Variants in DACT1 observed in about 807,000 individuals in gnomAD.
DACT1 encodes dishevelled binding antagonist of beta catenin 1.
In DACT1, 19 loss-of-function variants were observed where a neutral mutation model predicts 35.3. The ratio of observed to expected loss-of-function variants is 0.54; its 90% CI spans 0.38 to 0.79. The LOEUF is 0.79. Among genes scored for constraint, DACT1 ranks in the 30% least tolerant of loss-of-function variants. The pLI, the probability that DACT1 is intolerant of heterozygous loss-of-function variation, is 0.00. For synonymous variants in DACT1, 545 were observed against 466.7 expected, an observed-to-expected ratio of 1.17 and a Z score of -2.16; for missense variants, 1,143 against 1,057.5, an observed-to-expected ratio of 1.08 and a Z score of -1.12.
intron 1 of DACT1, among the ~76,000 whole-genome samples, chr14:58,639,518 T>C (rs1336526628): frequency 6.6e-6 from 1 of 152,204 alleles, no homozygotes; most frequent in Non-Finnish European, 1.5e-5. Context: ...AATAAAGTGG[T>C]GATGCTGTGC....
In DACT1 at chr14:58,646,640, C is replaced by T; in HGVS notation, c.1906C>T (p.Arg636Ter). Residue 636 changes from arginine to a stop codon, truncating the protein, a stop_gained, in exon 4 of 4, where the codon CGA (arginine) becomes TGA (stop). Transcript: ENST00000395153. LOFTEE classifies it high-confidence loss of function. ...EAVVAKPKHK[R>*]TDYRRWKSSA... ...GGTGGTGGCCAAACCTAAGCACAAG[C>T]GAACTGACTACCGGCGGTGGAAGTC... The T allele has an allele frequency of 1.2e-6, 2 of 1,611,836 alleles. No homozygotes were observed. The highest frequency in any genetic ancestry group is 8.5e-7 in the Non-Finnish European group (1 of 1,179,352).
chr14:58,646,044 C>G lies in DACT1; in HGVS notation c.1310C>G (p.Ser437Cys). ...TGTTCCGCCATTGGGACAGGGGAGT[C>G]CCCTAAGGAAAGCGCTCAGCTCTCA... is the stretch of plus-strand genomic sequence containing the variant. ...ARCSAIGTGE[S>C]PKESAQLSGA... Residue 437 changes from serine (S) to cysteine (C), a missense_variant, in exon 4 of 4, where the codon TCC (serine) becomes TGC (cysteine). Coordinates refer to ENST00000395153, the MANE Select transcript of DACT1 (RefSeq NM_001079520.2). 3 of 1,614,064 alleles carry G rather than the reference C, an allele frequency of 1.9e-6. No homozygotes were observed. Among genetic ancestry groups the G allele is most frequent in the Non-Finnish European group, 2.5e-6 (3 of 1,179,990 alleles).
chr14:58,644,138 T>G (rs958927782), intron 3 of DACT1, among the ~76,000 whole-genome samples: 1 of 152,196 alleles, frequency 6.6e-6, no homozygotes, highest in African/African-American at 2.4e-5. Flanking sequence ...GGATTTGTTA[T>G]TTATAATATT....
intron 3 of DACT1, among the ~76,000 whole-genome samples, chr14:58,643,397 T>C (rs978619606): frequency 2.6e-5 from 4 of 152,214 alleles, no homozygotes; most frequent in Admixed American, 2.0e-4. Context: ...TGTTCTCCAC[T>C]TGGGTATAAG....
intron 3 of DACT1, among the ~76,000 whole-genome samples, chr14:58,644,139 T>G (rs2082693224): frequency 6.6e-6 from 1 of 152,184 alleles, no homozygotes; most frequent in Non-Finnish European, 1.5e-5. Flanking sequence ...GATTTGTTAT[T>G]TATAATATTC....
chr14:58,638,808 T>G, intron 1 of DACT1: 1 of 1,167,902 alleles, frequency 8.6e-7, no homozygotes, highest in Non-Finnish European at 1.1e-6. Flanking sequence ...TGGCCGCTCT[T>G]CCCTCCTCCT....
chr14:58,642,046 T>C (rs1365436524), intron 3 of DACT1, among the ~76,000 whole-genome samples: 1 of 152,224 alleles, frequency 6.6e-6, no homozygotes, highest in Non-Finnish European at 1.5e-5. Context: ...TGCTGTTAGG[T>C]TGTCTGTATT....
In DACT1 at chr14:58,638,117, C is replaced by T; in HGVS notation, c.-86C>T. The T allele has an allele frequency of 5.0e-6, 6 of 1,210,454 alleles. No individual in the cohort carries two copies. The highest frequency in any genetic ancestry group is 7.3e-5 in the South Asian group (2 of 27,368). The allele number at this position is 1,210,454 out of a possible 1,614,324, so 75.0% of individuals were successfully genotyped here. A position where few individuals can be genotyped will look rare whatever the true frequency, so the allele number is the denominator to read the frequency against. ...CGCCCCGCCACAGGGCGGCATGAGCCCACCCGCGGCCGCAGCCCTAGCGCC... is the reference window on the plus strand; with the variant it reads ...CGCCCCGCCACAGGGCGGCATGAGCTCACCCGCGGCCGCAGCCCTAGCGCC... On this transcript the variant is annotated 5_prime_UTR_variant, in exon 1 of 4. Coordinates refer to ENST00000395153, the MANE Select transcript of DACT1 (RefSeq NM_001079520.2).
chr14:58,645,718 C>A lies in DACT1; in HGVS notation c.984C>A (p.Asp328Glu). The A allele has an allele frequency of 1.2e-6, 2 of 1,614,246 alleles. No individual in the cohort carries two copies. Among genetic ancestry groups the A allele is most frequent in the Non-Finnish European group, 1.7e-6 (2 of 1,180,044 alleles). The part of the protein sequence containing the change: ...TNKPRTSVNA[D>E]PTKGLLRNGS... ...AACCAAGAACCAGCGTGAACGCTGA[C>A]CCCACGAAAGGGCTTCTGAGGAACG... is the stretch of plus-strand genomic sequence containing the variant. Residue 328 changes from aspartate (D) to glutamate (E), a missense_variant, in exon 4 of 4, where the codon GAC becomes GAA. By Grantham distance (45) the Asp-to-Glu change is conservative. This residue lies in a region of DACT1 where 1,054 missense variants were observed against 958.8 expected (regional missense o/e 1.10). Transcript: ENST00000395153.
chr14:58,638,864 C>G (rs2047601110), intron 1 of DACT1: 10 of 1,082,826 alleles, frequency 9.2e-6, no homozygotes, highest in Non-Finnish European at 1.1e-5. Context: ...CGTTCGGTCT[C>G]CTTAGTTAGA....
intron 2 of DACT1, 38 bp downstream of exon 2, chr14:58,640,906 T>A: frequency 1.2e-6 from 2 of 1,612,202 alleles, no homozygotes; most frequent in Non-Finnish European, 1.7e-6. Flanking sequence ...TCTGCACTCT[T>A]GAGTTGTATC....
At chr14:58,639,004 T>C (rs369727275) in intron 1 of DACT1, 2 of 985,872 alleles carry the variant, frequency 2.0e-6, no homozygotes, top group Non-Finnish European at 2.4e-6. Flanking sequence ...TGTGGCGTGC[T>C]TAACTGTCCA....
At chr14:58,637,514 TGAG>T (rs2047581612), upstream of DACT1, among the ~76,000 whole-genome samples, 1 of 152,190 alleles carries the variant, frequency 6.6e-6, no homozygotes, top group South Asian at 2.1e-4. Flanking sequence ...TGAGTGGAAA[TGAG>T]GAGTGGCCGT....
chr14:58,647,263 A>G lies in DACT1; in HGVS notation c.*129A>G. On this transcript the variant is annotated 3_prime_UTR_variant, in exon 4 of 4. Coordinates refer to ENST00000395153, the MANE Select transcript of DACT1 (RefSeq NM_001079520.2). Reference sequence around the variant, plus strand: ...TGCTTTTTAAAAAAATATAAAACCAAGGTAAATTATTGTTTCATCTTCACG... The same window carrying G: ...TGCTTTTTAAAAAAATATAAAACCAGGGTAAATTATTGTTTCATCTTCACG... The G allele has an allele frequency of 8.9e-7, 1 of 1,129,090 alleles. No homozygotes were observed. The highest frequency in any genetic ancestry group is 1.3e-6 in the Non-Finnish European group (1 of 791,404). 69.9% of individuals were successfully genotyped at this position (1,129,090 alleles called of 1,614,324 possible).
At position 58,638,468 on chromosome 14, in the gene DACT1, T is replaced by C. The variant is rs768648129; in HGVS notation, c.266T>C (p.Leu89Pro). The C allele has an allele frequency of 5.0e-5, 68 of 1,360,428 alleles. No homozygotes were observed. Among genetic ancestry groups the C allele is most frequent in the Middle Eastern group, 2.2e-4 (1 of 4,646 alleles). The allele number at this position is 1,360,428 out of a possible 1,614,324, so 84.3% of individuals were successfully genotyped here. Reference sequence around the variant, plus strand: ...GCCGCTGCGCCCCGCGCTGGGGAGCTACTGGGGGAGGCGGCGCAGCGCAGT... The same window carrying C: ...GCCGCTGCGCCCCGCGCTGGGGAGCCACTGGGGGAGGCGGCGCAGCGCAGT... ...AGAAAPRAGE[L>P]LGEAAQRSRL... is the part of the protein sequence containing the mutation. Residue 89 changes from leucine to proline, a missense_variant, in exon 1 of 4, where the codon CTA becomes CCA. Transcript: ENST00000395153.
chr14:58,640,650 A>G, intron 1 of DACT1, 86 bp from the exon 2 acceptor site: 1 of 1,544,468 alleles, frequency 6.5e-7, no homozygotes. Context: ...AACTCTTCAG[A>G]TGGGTAATTT....
At position 58,646,330 on chromosome 14, in the gene DACT1, C is replaced by T. The variant is rs1362182503; in HGVS notation, c.1596C>T (p.Leu532=). 2 of 1,608,948 alleles carry T rather than the reference C, an allele frequency of 1.2e-6. No homozygotes were observed. The highest frequency in any genetic ancestry group is 1.1e-5 in the South Asian group (1 of 90,334). The change falls in exon 4 of 4, where the codon CTC becomes CTT. Residue 532 remains leucine (L), a synonymous_variant. Transcript: ENST00000395153. Reference sequence around the variant, plus strand: ...CGGGGCAGCAGCCCAGTGTCAGGCTCCACCGGGGCCACAGGAACATGGGCG... The same window carrying T: ...CGGGGCAGCAGCCCAGTGTCAGGCTTCACCGGGGCCACAGGAACATGGGCG... ...FIPGQQPSVR[L]HRGHRNMGVV...
chr14:58,638,755 C>T (rs1026458104), intron 1 of DACT1: 3 of 1,196,810 alleles, frequency 2.5e-6, no homozygotes, highest in Non-Finnish European at 2.1e-6. Context: ...TGGCGTGTGC[C>T]CGCTTTGTGT....
chr14:58,646,563 C>CGGGCGGGGGCCACA lies in DACT1; in HGVS notation c.1838_1851dup (p.Ser618AlafsTer42). On this transcript the variant is annotated frameshift_variant, in exon 4 of 4. Coordinates refer to ENST00000395153, the MANE Select transcript of DACT1 (RefSeq NM_001079520.2). LOFTEE classifies it high-confidence loss of function. ...GAGGCTGGTGTTCCCGGCAGGCCCG[C>CGGGCGGGGGCCACA]GGGCGGGGGCCACAGGGCGGGGAGC... The CGGGCGGGGGCCACA allele has an allele frequency of 1.3e-6, 2 of 1,557,554 alleles. No individual in the cohort carries two copies. Among genetic ancestry groups the CGGGCGGGGGCCACA allele is most frequent in the Non-Finnish European group, 1.7e-6 (2 of 1,153,332 alleles).
Sources: gnomAD v4.1 joint callset for allele counts (sites outside exome capture counted in the v4.1 genomes callset) on GRCh38, gnomAD v4.1.1 for gene constraint, gnomAD v4.1.1 regional missense constraint, MANE v1.5 for transcripts, NCBI Gene and HGNC (gene_info 2026-07-23, HGNC 2026-07-21) for gene names.